The following NOL4L variants were observed in gnomAD, a reference collection of about 807,000 sequenced individuals.
NOL4L encodes the protein nucleolar protein 4 like.
NOL4L carries 7 observed loss-of-function variants against 64.5 expected under a neutral mutation model. The ratio of observed to expected loss-of-function variants is 0.11; its 90% CI spans 0.06 to 0.20. The LOEUF (loss-of-function observed/expected upper bound fraction) is 0.20, where lower values mean the gene tolerates loss of function less well. NOL4L is among the 10% of genes least tolerant of loss of function. The probability of loss-of-function intolerance (pLI) is 1.00; values close to 1 mark genes in which losing one functional copy is unlikely to be tolerated. For synonymous variants in NOL4L, 413 were observed against 401.0 expected (o/e 1.03, Z -0.36); for missense variants, 680 against 967.1 (o/e 0.70, Z 3.94).
rs931765689 is a variant in NOL4L, at chr20:32,511,206, A to T, written c.699+141T>A. On this transcript the variant is annotated intron_variant, in intron 4 of 10. Transcript: ENST00000621426. ...TCTTGCCTCCCGCCTCTCCGCCTGGACAACCCAGATAACCAGATAAGGGCC... is the reference window on the plus strand; with the variant it reads ...TCTTGCCTCCCGCCTCTCCGCCTGGTCAACCCAGATAACCAGATAAGGGCC... The T allele has an allele frequency of 6.8e-6, 4 of 586,540 alleles. No homozygotes were observed. In the African/African-American group the frequency reaches 7.5e-5, roughly 11 times the overall value. The allele number at this position is 586,540 out of a possible 1,614,324, so 36.3% of individuals were successfully genotyped here.
intron 4 of NOL4L, among the ~76,000 whole-genome samples, chr20:32,481,763 C>T (rs954211783): frequency 3.3e-5 from 5 of 152,152 alleles, no homozygotes; most frequent in African/African-American, 1.2e-4. Context: ...ATTTACTACC[C>T]GGGGGGCTAA....
rs2013465320 is a variant in NOL4L at position 32,456,020 on chromosome 20, G to T, written c.1119+98C>A. The T allele has an allele frequency of 7.7e-6, 10 of 1,306,774 alleles. No individual in the cohort carries two copies. In the East Asian group the frequency reaches 2.8e-4, roughly 36 times the overall value. 80.9% of individuals were successfully genotyped at this position (1,306,774 alleles called of 1,614,324 possible). A position where few individuals can be genotyped will look rare whatever the true frequency, so the allele number is the denominator to read the frequency against. On this transcript the variant is annotated intron_variant, in intron 6 of 10. Transcript: ENST00000621426. ...ACCCTGGCTCGGTGTCACACACATG[G>T]GCTGGCTCCAGCTAAGCTCTGGGCG...
chr20:32,514,935 C>T (rs1157918713), intron 3 of NOL4L, among the ~76,000 whole-genome samples: 2 of 152,112 alleles, frequency 1.3e-5, no homozygotes, highest in East Asian at 1.9e-4. Flanking sequence ...CTCGCGGCCC[C>T]GGTCGGCCCT....
In NOL4L at chr20:32,490,670, T is replaced by C. The variant is rs1180789525; in HGVS notation, c.700-15928A>G. ...CTTCTCTATTTAGATAAATTTTCCA[T>C]TACGAATACAACTAACTGAGCCTGA... On this transcript the variant is annotated intron_variant, in intron 4 of 10. Coordinates refer to ENST00000621426, the MANE Select transcript of NOL4L (RefSeq NM_001256798.2). Among the ~76,000 whole-genome samples the C allele has an allele frequency of 2.0e-5, 3 of 152,210 alleles. No individual in the cohort carries two copies. In the East Asian group the frequency reaches 5.8e-4, roughly 29 times the overall value.
At chr20:32,572,927 C>T (rs1445531320) in intron 1 of NOL4L, among the ~76,000 whole-genome samples, 2 of 152,246 alleles carry the variant, frequency 1.3e-5, no homozygotes, top group Admixed American at 1.3e-4. Context: ...GGCCACGCCA[C>T]AGGCATAAGC....
rs529149225 is a variant in NOL4L at position 32,466,052 on chromosome 20, CCA to C, written c.841+8547_841+8548del. On this transcript the variant is annotated intron_variant, in intron 5 of 10. Transcript: ENST00000621426. ...GTGTGATCTTGGCTCACTGCAACCT[CCA>C]CCTCCTGGGTTCAAGCGATTCTCCT... Among the ~76,000 whole-genome samples the C allele has an allele frequency of 2.2e-3, 335 of 151,304 alleles. 3 individuals carry two copies. Among genetic ancestry groups the C allele is most frequent in the African/African-American group, 7.8e-3 (319 of 41,072 alleles).
chr20:32,559,610 T>C (rs1052309076), intron 1 of NOL4L, among the ~76,000 whole-genome samples: 2 of 152,146 alleles, frequency 1.3e-5, no homozygotes, highest in African/African-American at 4.8e-5. Flanking sequence ...GGAATTTGCT[T>C]GGGCCACACA....
chr20:32,488,819 TTCTTTCTTTTTCTTTCTTTCTTTCTTTC>T (rs1568648625), intron 4 of NOL4L, among the ~76,000 whole-genome samples: 10 of 17,996 alleles, frequency 5.6e-4, no homozygotes, highest in Admixed American at 2.3e-3. Context: ...CTTTCTTTCT[TTCTTTCTTTTTCTTTCTTTCTTTCTTTC>T]TTTCTTTCTT....
intron 1 of NOL4L, among the ~76,000 whole-genome samples, chr20:32,537,282 T>C (rs904677508): frequency 1.3e-5 from 2 of 151,966 alleles, no homozygotes; most frequent in Admixed American, 6.6e-5. Context: ...GAACCCCCCA[T>C]CCCCGTGCCC....
chr20:32,469,188 T>G (rs2014812030), intron 5 of NOL4L, among the ~76,000 whole-genome samples: 1 of 152,096 alleles, frequency 6.6e-6, no homozygotes, highest in Admixed American at 6.5e-5. Context: ...GAACTGTGGC[T>G]GGCCCACATC....
intron 1 of NOL4L, among the ~76,000 whole-genome samples, chr20:32,570,122 G>T (rs779905860): frequency 6.6e-6 from 1 of 152,106 alleles, no homozygotes; most frequent in Non-Finnish European, 1.5e-5. Context: ...GAGGCCAAGG[G>T]AGGTTAATTA....
Position 32,456,192 on chromosome 20 carries a change from A to C in NOL4L, c.1045T>G (p.Ser349Ala). 6.2e-7 allele frequency: 1 copy of C among 1,606,248 alleles called. No individual in the cohort carries two copies. The highest frequency in any genetic ancestry group is 8.5e-7 in the Non-Finnish European group (1 of 1,176,548). The change falls in exon 6 of 11, where the codon TCC (serine) becomes GCC (alanine). Residue 349 changes from serine to alanine, a missense_variant. Ser to Ala is a moderately conservative substitution (Grantham distance 99, BLOSUM62 1). Coordinates refer to ENST00000621426, the MANE Select transcript of NOL4L (RefSeq NM_001256798.2). ...GCACCGCAGCCATCCGAGGGGTAGG[A>C]GGCTGTGCCAAGTGCCGTGGCCGGC... ...LPPATALGTA[S>A]YPSDGCGADG...
chr20:32,462,364 G>A (rs973994647), intron 5 of NOL4L, among the ~76,000 whole-genome samples: 9 of 152,296 alleles, frequency 5.9e-5, no homozygotes, highest in Non-Finnish European at 5.9e-5. Context: ...GGCTGGGATC[G>A]CTCTGCATGG....
chr20:32,485,401 A>T (rs2034456674), intron 4 of NOL4L: 1 of 210,490 alleles, frequency 4.8e-6, no homozygotes, highest in African/African-American at 2.3e-5. Flanking sequence ...TTCAGAGCCC[A>T]GCGTTTACCC....
chr20:32,469,640 G>A (rs1392971430), intron 5 of NOL4L, among the ~76,000 whole-genome samples: 1 of 152,128 alleles, frequency 6.6e-6, no homozygotes, highest in Non-Finnish European at 1.5e-5. Flanking sequence ...CAAAATGCTG[G>A]GCTTACAGGC....
intron 10 of NOL4L, chr20:32,449,980 G>A (rs2012716861): frequency 6.6e-6 from 1 of 152,402 alleles, no homozygotes; most frequent in Non-Finnish European, 1.5e-5. Context: ...TGTAGCTGAG[G>A]CTTGGAAAGG....
At position 32,508,100 on chromosome 20, in the gene NOL4L, T is replaced by A. The variant is rs1046772552; in HGVS notation, c.699+3247A>T. On this transcript the variant is annotated intron_variant, in intron 4 of 10. Transcript: ENST00000621426. Reference sequence around the variant, plus strand: ...GGATTTATTTTCCATGTAACCTGCATTAGAAATTTGCAAACACTACAGATG... The same window carrying A: ...GGATTTATTTTCCATGTAACCTGCAATAGAAATTTGCAAACACTACAGATG... 2.6e-5 allele frequency among the ~76,000 whole-genome samples: 4 copies of A among 152,356 alleles called. No individual in the cohort carries two copies. In the East Asian group the frequency reaches 7.7e-4, roughly 29 times the overall value.
In NOL4L at chr20:32,460,995, C is replaced by T. The variant is rs146242704; in HGVS notation, c.842-4600G>A. 6.0e-4 allele frequency among the ~76,000 whole-genome samples: 92 copies of T among 152,352 alleles called. No individual in the cohort carries two copies. Among genetic ancestry groups the T allele is most frequent in the Middle Eastern group, 3.4e-3 (1 of 294 alleles). On this transcript the variant is annotated intron_variant, in intron 5 of 10. Transcript: ENST00000621426. This position sits in a 1 kb window ranked among gnomAD's most constrained non-coding sequence, Gnocchi z 5.7. ...CCTCCCTACCTGCCCCGATCTCCAT[C>T]GTGGCACCGGCTGTGGGCCACGGCT...
intron 5 of NOL4L, among the ~76,000 whole-genome samples, chr20:32,472,472 A>G (rs1383828459): frequency 6.6e-6 from 1 of 152,170 alleles, no homozygotes; most frequent in East Asian, 1.9e-4. Context: ...GTCCCTGCCT[A>G]GTCCTGCGTC....
Sources: gnomAD v4.1 joint callset for allele counts (sites outside exome capture counted in the v4.1 genomes callset) on GRCh38, gnomAD v4.1.1 for gene constraint, Gnocchi (gnomAD v3.1) non-coding constraint, MANE v1.5 for transcripts, NCBI Gene and HGNC (gene_info 2026-07-23, HGNC 2026-07-21) for gene names.